Variants in ACYP2 observed in about 807,000 individuals in gnomAD.
ACYP2 encodes the protein acylphosphatase 2.
A neutral mutation model predicts 11.2 loss-of-function variants in ACYP2; 12 were observed. The ratio of observed to expected loss-of-function variants is 1.08; its 90% CI spans 0.69 to 1.74. The LOEUF is 1.74. Among genes scored for constraint, ACYP2 ranks in the 40% most tolerant of loss-of-function variants. The pLI is 0.00. For synonymous variants in ACYP2, 43 were observed against 32.2 expected (o/e 1.33, Z -1.13); for missense variants, 134 against 101.9 (o/e 1.31, Z -1.35).
intron 6 of ACYP2, among the ~76,000 whole-genome samples, chr2:54,298,430 G>A (rs542103579): frequency 6.6e-6 from 1 of 152,254 alleles, no homozygotes; most frequent in South Asian, 2.1e-4. Context: ...CCCTACTTAA[G>A]TATCAGTAAA....
At chr2:54,044,158 C>T (rs1675389535) in intron 2 of ACYP2, among the ~76,000 whole-genome samples, 3 of 152,196 alleles carry the variant, frequency 2.0e-5, no homozygotes. Flanking sequence ...ATGTAAACTG[C>T]ACGTCACAGT....
In ACYP2 at chr2:54,255,999, C is replaced by T. The variant is rs761886975; in HGVS notation, c.405-48689C>T. ...CGACCCCCTCCTCTGGAAGCCGGGG[C>T]GGTGGGAACACGATTGGCTCCAAGC... On this transcript the variant is annotated intron_variant, in intron 6 of 6. Coordinates refer to ENST00000607452, the MANE Select transcript of ACYP2 (RefSeq NM_001320586.2). 10 of 1,614,128 alleles carry T rather than the reference C, an allele frequency of 6.2e-6. 1 individual carries two copies. The highest frequency in any genetic ancestry group is 3.3e-5 in the South Asian group (3 of 91,072).
At chr2:54,120,646 G>C (rs1290945602) in intron 4 of ACYP2, among the ~76,000 whole-genome samples, 1 of 152,104 alleles carries the variant, frequency 6.6e-6, no homozygotes, top group Non-Finnish European at 1.5e-5. Flanking sequence ...GCTTTGCTTG[G>C]GCCCACTGGG....
intron 6 of ACYP2, among the ~76,000 whole-genome samples, chr2:54,210,379 A>T (rs1685283846): frequency 6.6e-6 from 1 of 152,042 alleles, no homozygotes; most frequent in Non-Finnish European, 1.5e-5. Context: ...ATATATACAA[A>T]CATATAATTT....
chr2:54,242,642 C>G (rs1201409889), intron 6 of ACYP2, among the ~76,000 whole-genome samples: 1 of 152,170 alleles, frequency 6.6e-6, no homozygotes, highest in Non-Finnish European at 1.5e-5. Flanking sequence ...TTTAGATACA[C>G]AAATGTCATT....
chr2:54,021,275 C>A (rs536225410), intron 2 of ACYP2, among the ~76,000 whole-genome samples: 1 of 152,104 alleles, frequency 6.6e-6, no homozygotes, highest in African/African-American at 2.4e-5. Flanking sequence ...AGCAGGTGAC[C>A]AGGGGAATAG....
intron 2 of ACYP2, among the ~76,000 whole-genome samples, chr2:54,046,014 AC>A (rs1176990525): frequency 1.3e-5 from 2 of 150,704 alleles, no homozygotes; most frequent in African/African-American, 4.9e-5. Context: ...CTAAAAAAAT[AC>A]AAAAATTAGT....
At chr2:53,991,420 T>TC (rs1672288341) in intron 2 of ACYP2, among the ~76,000 whole-genome samples, 1 of 151,966 alleles carries the variant, frequency 6.6e-6, no homozygotes, top group Admixed American at 6.6e-5. Context: ...CTTTTTTTTT[T>TC]TTTGAGATGG....
chr2:54,071,142 T>A (rs1442709907), intron 4 of ACYP2, among the ~76,000 whole-genome samples: 1 of 152,168 alleles, frequency 6.6e-6, no homozygotes, highest in Non-Finnish European at 1.5e-5. Flanking sequence ...TTTCTCAACT[T>A]AGAGAAAAAC....
intron 4 of ACYP2, among the ~76,000 whole-genome samples, chr2:54,094,532 TTGTGTGTG>T (rs112696039): frequency 2.0e-3 from 231 of 112,992 alleles, no homozygotes; most frequent in Non-Finnish European, 3.0e-3. Context: ...CCCGGCCCAG[TTGTGTGTG>T]TGTGTGTGTG....
At chr2:54,049,328 T>A (rs1210183328) in intron 2 of ACYP2, among the ~76,000 whole-genome samples, 1 of 152,140 alleles carries the variant, frequency 6.6e-6, no homozygotes, top group African/African-American at 2.4e-5. Context: ...TTCCACCATC[T>A]TATAAGACTG....
chr2:54,073,506 G>A (rs1340358287), intron 4 of ACYP2, among the ~76,000 whole-genome samples: 3 of 152,124 alleles, frequency 2.0e-5, no homozygotes, highest in Admixed American at 6.5e-5. Context: ...AAAAACACAA[G>A]CAACAAAAGG....
chr2:54,227,831 A>AG (rs1686072730), intron 6 of ACYP2, among the ~76,000 whole-genome samples: 1 of 152,234 alleles, frequency 6.6e-6, no homozygotes, highest in African/African-American at 2.4e-5. Flanking sequence ...TGCATAGAAT[A>AG]GGAACTGAAT....
intron 6 of ACYP2, among the ~76,000 whole-genome samples, chr2:54,213,870 C>T (rs868531666): frequency 9.9e-5 from 15 of 152,078 alleles, no homozygotes; most frequent in Admixed American, 2.0e-4. Flanking sequence ...CGGGCCCAAG[C>T]GATCCTCCTG....
chr2:54,106,879 C>T (rs558010304), intron 4 of ACYP2, among the ~76,000 whole-genome samples: 11 of 152,208 alleles, frequency 7.2e-5, no homozygotes, highest in African/African-American at 2.4e-4. Flanking sequence ...CCACCATGCC[C>T]GGCCAAATTT....
intron 6 of ACYP2, among the ~76,000 whole-genome samples, chr2:54,196,805 G>C (rs1013085075): frequency 6.6e-6 from 1 of 152,226 alleles, no homozygotes; most frequent in Non-Finnish European, 1.5e-5. Context: ...GGTGCTAGAA[G>C]ATAGCCCCAC....
intron 2 of ACYP2, among the ~76,000 whole-genome samples, chr2:54,027,390 A>C (rs189953820): frequency 3.5e-4 from 54 of 152,264 alleles, no homozygotes; most frequent in African/African-American, 1.3e-3. Flanking sequence ...TATCCCAGGG[A>C]AGAAATATCA....
intron 6 of ACYP2, among the ~76,000 whole-genome samples, chr2:54,293,957 C>T (rs1253850419): frequency 6.6e-6 from 1 of 152,172 alleles, no homozygotes; most frequent in Non-Finnish European, 1.5e-5. Context: ...ATTATCCTTC[C>T]ATTATTAATG....
intron 2 of ACYP2, among the ~76,000 whole-genome samples, chr2:54,022,581 T>C (rs1042876427): frequency 1.2e-4 from 19 of 152,280 alleles, no homozygotes; most frequent in African/African-American, 4.6e-4. Flanking sequence ...GGTCTCCCTA[T>C]GTTGCACAGG....
Sources: allele counts gnomAD v4.1 joint callset (sites outside exome capture counted in the v4.1 genomes callset), GRCh38; gene constraint gnomAD v4.1.1; transcripts MANE v1.5; gene names NCBI Gene and HGNC (gene_info 2026-07-23, HGNC 2026-07-21).